GRIK3: variants seen among roughly 807,000 people sequenced by gnomAD.
GRIK3 encodes glutamate ionotropic receptor kainate type subunit 3.
Under a neutral mutation model 102.5 loss-of-function variants are expected in GRIK3, and 29 were observed. The ratio of observed to expected loss-of-function variants is 0.28; its 90% CI spans 0.21 to 0.39. The LOEUF (loss-of-function observed/expected upper bound fraction) is 0.39. Among genes scored for constraint, GRIK3 ranks in the 10% least tolerant of loss-of-function variants. GRIK3 has a pLI of 1.00. For synonymous variants in GRIK3, 511 were observed against 504.9 expected (o/e 1.01, Z -0.16); for missense variants, 908 against 1,252.4 (o/e 0.73, Z 4.15).
chr1:36,934,012 T>C (rs1641626269), intron 1 of GRIK3, among the ~76,000 whole-genome samples: 1 of 152,198 alleles, frequency 6.6e-6, no homozygotes, highest in Non-Finnish European at 1.5e-5. Context: ...TGGGCAGGGA[T>C]ACTGTGTCTT....
intron 1 of GRIK3, among the ~76,000 whole-genome samples, chr1:36,983,424 G>A (rs1294533314): frequency 6.6e-6 from 1 of 152,160 alleles, no homozygotes; most frequent in African/African-American, 2.4e-5. Flanking sequence ...GGCACCGGGT[G>A]TAGGAGGGGT....
chr1:36,817,416 T>C (rs1159109687), intron 12 of GRIK3, 139 bp from the exon 13 acceptor site: 4 of 636,744 alleles, frequency 6.3e-6, no homozygotes, highest in Non-Finnish European at 1.1e-5. Flanking sequence ...AAAAGTGTGG[T>C]CCCTGGACTG....
intron 1 of GRIK3, among the ~76,000 whole-genome samples, chr1:36,985,971 G>A (rs563680146): frequency 6.6e-6 from 1 of 152,196 alleles, no homozygotes; most frequent in African/African-American, 2.4e-5. Context: ...GGAGTGTAGG[G>A]GCAGGGATGG....
intron 1 of GRIK3, among the ~76,000 whole-genome samples, chr1:36,947,074 T>C (rs995246183): frequency 6.6e-6 from 1 of 151,740 alleles, no homozygotes; most frequent in Non-Finnish European, 1.5e-5. Flanking sequence ...AAAGAGGACA[T>C]GGGGGAAGGG....
At chr1:36,823,654 G>A (rs1642721035) in intron 11 of GRIK3, among the ~76,000 whole-genome samples, 1 of 152,094 alleles carries the variant, frequency 6.6e-6, no homozygotes, top group South Asian at 2.1e-4. Context: ...AGCCAGGTGA[G>A]CTCTCCGGGG....
At chr1:37,021,063 A>G (rs905122463) in intron 1 of GRIK3, among the ~76,000 whole-genome samples, 1 of 151,518 alleles carries the variant, frequency 6.6e-6, no homozygotes, top group African/African-American at 2.4e-5. Context: ...TTCTCTTAAG[A>G]CTGCAAATGT....
chr1:36,855,634 C>T (rs1640643004), intron 7 of GRIK3, among the ~76,000 whole-genome samples: 1 of 152,202 alleles, frequency 6.6e-6, no homozygotes, highest in Non-Finnish European at 1.5e-5. Context: ...TATAAAAAGG[C>T]ATATAGAGCG....
chr1:36,850,516 T>C lies in GRIK3; in HGVS notation c.1213-92A>G. On this transcript the variant is annotated intron_variant, in intron 8 of 15. Coordinates refer to ENST00000373091, the MANE Select transcript of GRIK3 (RefSeq NM_000831.4). The surrounding 1 kb of genome is among the most constrained non-coding windows in gnomAD (Gnocchi z 4.0). Reference sequence around the variant, plus strand: ...AAGACCTTCATCTCATTCCCATTCATCATGAGCCTCATTGTCATGATCATC... The same window carrying C: ...AAGACCTTCATCTCATTCCCATTCACCATGAGCCTCATTGTCATGATCATC... 2 of 737,052 alleles carry C rather than the reference T, an allele frequency of 2.7e-6. No homozygotes were observed. Among genetic ancestry groups the C allele is most frequent in the Non-Finnish European group, 4.9e-6 (2 of 408,646 alleles). 45.7% of individuals were successfully genotyped at this position (737,052 alleles called of 1,614,324 possible).
At chr1:36,833,431 A>C (rs1640334390) in intron 10 of GRIK3, among the ~76,000 whole-genome samples, 1 of 152,144 alleles carries the variant, frequency 6.6e-6, no homozygotes. Flanking sequence ...TCAGCTCCAC[A>C]GAGCTCTCCA....
At chr1:37,027,447 C>T (rs1044842363) in intron 1 of GRIK3, among the ~76,000 whole-genome samples, 1 of 152,038 alleles carries the variant, frequency 6.6e-6, no homozygotes, top group Non-Finnish European at 1.5e-5. Flanking sequence ...GGGTCAGGGC[C>T]AGGATTTAAG....
intron 13 of GRIK3, among the ~76,000 whole-genome samples, chr1:36,809,774 A>G (rs1014479773): frequency 1.2e-4 from 19 of 152,228 alleles, no homozygotes; most frequent in Middle Eastern, 3.2e-3. Flanking sequence ...GAAAGACACA[A>G]GAAAGGCACC....
intron 1 of GRIK3, among the ~76,000 whole-genome samples, chr1:36,915,293 C>T (rs373206623): frequency 4.6e-5 from 7 of 152,192 alleles, no homozygotes; most frequent in African/African-American, 1.4e-4. Context: ...CTCTTCTCCC[C>T]ACCCTCAGCA....
intron 1 of GRIK3, among the ~76,000 whole-genome samples, chr1:36,984,807 G>A (rs1642287621): frequency 6.6e-6 from 1 of 152,220 alleles, no homozygotes; most frequent in Admixed American, 6.5e-5. Context: ...CAGGCCAGAA[G>A]GGCTGCAGTG....
rs1455152097 is a variant in GRIK3, at chr1:36,798,371, A to G, written c.*3480T>C. ...TGGCACCACGCAGGGACAGTCCAGC[A>G]TCTGCTCAGGCAGGTTCCTTCTTCT... is the stretch of plus-strand genomic sequence containing the variant. On this transcript the variant is annotated 3_prime_UTR_variant, in exon 16 of 16. Transcript: ENST00000373091. The G allele has an allele frequency of 6.6e-6, 1 of 152,336 alleles. No individual in the cohort carries two copies. Among genetic ancestry groups the G allele is most frequent in the East Asian group, 1.9e-4 (1 of 5,188 alleles). 9.4% of individuals were successfully genotyped at this position (152,336 alleles called of 1,614,324 possible). A position where few individuals can be genotyped will look rare whatever the true frequency, so the allele number is the denominator to read the frequency against.
At chr1:36,998,592 T>C (rs539858193) in intron 1 of GRIK3, among the ~76,000 whole-genome samples, 1 of 152,348 alleles carries the variant, frequency 6.6e-6, no homozygotes, top group Admixed American at 6.5e-5. Flanking sequence ...ACTCCCCATG[T>C]GCCAAGCACT....
Position 37,034,139 on chromosome 1 carries a change from C to G in GRIK3, c.-31G>C, listed in dbSNP as rs1168105150. 6.6e-6 allele frequency: 8 copies of G among 1,216,354 alleles called. No individual in the cohort carries two copies. Among genetic ancestry groups the G allele is most frequent in the Non-Finnish European group, 9.1e-6 (8 of 877,722 alleles). 75.3% of individuals were successfully genotyped at this position (1,216,354 alleles called of 1,614,324 possible). The stretch of plus-strand genomic sequence containing the variant: ...GGCGCCGCCGAGCGTGCCCGGGGCG[C>G]GGCCGTGGCGGGCTCCCTGGGGCGG... On this transcript the variant is annotated 5_prime_UTR_variant, in exon 1 of 16. Transcript: ENST00000373091.
At chr1:36,983,148 A>G (rs933190035) in intron 1 of GRIK3, among the ~76,000 whole-genome samples, 7 of 152,072 alleles carry the variant, frequency 4.6e-5, no homozygotes, top group African/African-American at 1.7e-4. Flanking sequence ...CAGCATGCGG[A>G]GTCTTCCCGA....
chr1:36,840,760 G>C (rs1421011994), intron 10 of GRIK3, among the ~76,000 whole-genome samples: 2 of 152,068 alleles, frequency 1.3e-5, no homozygotes, highest in Non-Finnish European at 2.9e-5. Flanking sequence ...TAAAGAAATT[G>C]AGCCTTAGTG....
At chr1:36,813,564 G>C (rs1034160241) in intron 13 of GRIK3, among the ~76,000 whole-genome samples, 5 of 152,214 alleles carry the variant, frequency 3.3e-5, no homozygotes, top group Non-Finnish European at 1.5e-5. Context: ...TCTGCTGTGT[G>C]ATAATGGGCT....
Sources: gnomAD v4.1 joint callset for allele counts (sites outside exome capture counted in the v4.1 genomes callset) on GRCh38, gnomAD v4.1.1 for gene constraint, Gnocchi (gnomAD v3.1) non-coding constraint, MANE v1.5 for transcripts, NCBI Gene and HGNC (gene_info 2026-07-23, HGNC 2026-07-21) for gene names.